MYO3B: variants seen among roughly 807,000 people sequenced by gnomAD.
MYO3B encodes the protein myosin IIIB, also known as myosin-IIIb.
Under a neutral mutation model 174.6 loss-of-function variants are expected in MYO3B, and 156 were observed. The observed-to-expected ratio is 0.89, with a 90% CI of 0.78 to 1.02. The LOEUF (loss-of-function observed/expected upper bound fraction) is 1.02. Ranked by LOEUF, MYO3B falls within the 50% of genes least tolerant of loss-of-function variation. The pLI is 0.00. For synonymous variants in MYO3B, 563 were observed against 569.1 expected (o/e 0.99, Z 0.15); for missense variants, 1,632 against 1,639.4 (o/e 1.00, Z 0.08).
intron 11 of MYO3B, 57 bp downstream of exon 11, chr2:170,383,246 G>T: frequency 9.5e-7 from 1 of 1,050,220 alleles, no homozygotes; most frequent in Admixed American, 2.0e-5. Context: ...ACTCACAAGG[G>T]CAAATGAAGA....
At chr2:170,643,155 G>T (rs945527091) in intron 32 of MYO3B, among the ~76,000 whole-genome samples, 39 of 152,212 alleles carry the variant, frequency 2.6e-4, no homozygotes, top group Middle Eastern at 3.4e-3. Flanking sequence ...TTCTCATTTG[G>T]GCTTTGCCTC....
chr2:170,583,637 A>G (rs993892379), intron 32 of MYO3B, among the ~76,000 whole-genome samples: 3 of 152,206 alleles, frequency 2.0e-5, no homozygotes, highest in African/African-American at 7.2e-5. Context: ...TGAGCACTTT[A>G]TTCTGTGCAT....
At chr2:170,288,121 A>G (rs2093570135) in intron 7 of MYO3B, among the ~76,000 whole-genome samples, 2 of 152,036 alleles carry the variant, frequency 1.3e-5, no homozygotes, top group South Asian at 2.1e-4. Context: ...TTTGGTTGCT[A>G]TAGATTTGTA....
chr2:170,257,479 GAATGACTTTTGGGTA>G (rs1480532534), intron 7 of MYO3B, among the ~76,000 whole-genome samples: 2 of 152,118 alleles, frequency 1.3e-5, no homozygotes, highest in Non-Finnish European at 2.9e-5. Flanking sequence ...ACTTGCTCCT[GAATGACTTTTGGGTA>G]AATAACAAAA....
chr2:170,567,613 G>T lies in MYO3B; in HGVS notation c.3733+23625G>T, dbSNP rs6747470. Among the ~76,000 whole-genome samples the T allele has an allele frequency of 4.6e-5, 7 of 152,172 alleles. No homozygotes were observed. In the South Asian group the frequency reaches 1.4e-3, roughly 32 times the overall value. ...CAGAAAATGCTTTGTTTCAGTCTTT[G>T]GCTGAAGTTGGAAGGGGAATGACCT... On this transcript the variant is annotated intron_variant, in intron 32 of 34. Coordinates refer to ENST00000408978, the MANE Select transcript of MYO3B (RefSeq NM_138995.5).
At chr2:170,490,250 G>C (rs983488504) in intron 25 of MYO3B, among the ~76,000 whole-genome samples, 1 of 151,922 alleles carries the variant, frequency 6.6e-6, no homozygotes, top group African/African-American at 2.4e-5. Context: ...GGATGGTCTC[G>C]ATTTCCTGAC....
chr2:170,625,815 A>C (rs182246817), intron 32 of MYO3B, among the ~76,000 whole-genome samples: 319 of 152,336 alleles, frequency 2.1e-3, no homozygotes, highest in African/African-American at 7.2e-3. Flanking sequence ...TTATGTACCC[A>C]GTAGTCATTC....
intron 30 of MYO3B, among the ~76,000 whole-genome samples, chr2:170,540,145 G>A (rs10187073): frequency 0.011 from 1,610 of 152,132 alleles, 25 homozygotes; most frequent in African/African-American, 0.037. Context: ...AATATAGTGA[G>A]ACTTCATCTC....
chr2:170,520,904 T>A (rs1688633619), intron 30 of MYO3B, among the ~76,000 whole-genome samples: 1 of 152,140 alleles, frequency 6.6e-6, no homozygotes, highest in African/African-American at 2.4e-5. Context: ...AGGACACAGC[T>A]ACAGGAAGGA....
At chr2:170,386,623 C>A (rs796802036) in intron 13 of MYO3B, among the ~76,000 whole-genome samples, 3 of 152,020 alleles carry the variant, frequency 2.0e-5, no homozygotes, top group East Asian at 3.9e-4. Flanking sequence ...AAAATAGAAG[C>A]CTTTGAGCAA....
chr2:170,324,017 C>T (rs2093847506), intron 7 of MYO3B, among the ~76,000 whole-genome samples: 1 of 152,124 alleles, frequency 6.6e-6, no homozygotes, highest in Non-Finnish European at 1.5e-5. Flanking sequence ...CTTTTATGGC[C>T]ATGATCCTGG....
chr2:170,535,700 A>G (rs1181825352), intron 30 of MYO3B, among the ~76,000 whole-genome samples: 2 of 152,180 alleles, frequency 1.3e-5, no homozygotes, highest in Non-Finnish European at 2.9e-5. Context: ...TGCTGCTAGC[A>G]CTGTCATGGG....
chr2:170,234,674 A>G (rs1574628819), intron 6 of MYO3B, among the ~76,000 whole-genome samples: 1 of 151,944 alleles, frequency 6.6e-6, no homozygotes, highest in Non-Finnish European at 1.5e-5. Flanking sequence ...ATGGAGGTCC[A>G]CTCTTCACCC....
At chr2:170,614,325 A>AC (rs1695310865) in intron 32 of MYO3B, among the ~76,000 whole-genome samples, 1 of 152,226 alleles carries the variant, frequency 6.6e-6, no homozygotes, top group Non-Finnish European at 1.5e-5. Flanking sequence ...CACAAAGCAC[A>AC]CTACTCAACA....
At chr2:170,541,305 C>A (rs1166012076) in intron 30 of MYO3B, among the ~76,000 whole-genome samples, 2 of 152,192 alleles carry the variant, frequency 1.3e-5, no homozygotes, top group Non-Finnish European at 2.9e-5. Context: ...GTCACAGCTA[C>A]TGGGACTTGC....
chr2:170,497,672 T>C lies in MYO3B; in HGVS notation c.3015-920T>C, dbSNP rs756915884. 2.6e-5 allele frequency among the ~76,000 whole-genome samples: 4 copies of C among 152,124 alleles called. No homozygotes were observed. The South Asian group carries it at 8.3e-4, about 32-fold the overall frequency. On this transcript the variant is annotated intron_variant, in intron 25 of 34. Transcript: ENST00000408978. The stretch of plus-strand genomic sequence containing the variant: ...GTTTCTTCAGGTTTTCATTTCCTCA[T>C]GAAGGCTCCTGTGTCACTTAAAACT...
chr2:170,439,409 G>A (rs144985253), intron 22 of MYO3B, among the ~76,000 whole-genome samples: 1 of 151,908 alleles, frequency 6.6e-6, no homozygotes, highest in Non-Finnish European at 1.5e-5. Context: ...TTGTTATTTG[G>A]CTTTTTTACT....
chr2:170,430,010 GTTT>G (rs67405522), intron 22 of MYO3B, among the ~76,000 whole-genome samples: 251 of 142,192 alleles, frequency 1.8e-3, no homozygotes, highest in Non-Finnish European at 3.1e-3. Flanking sequence ...TTATACACAG[GTTT>G]TTTTTTTTTT....
intron 25 of MYO3B, among the ~76,000 whole-genome samples, chr2:170,489,198 TCTC>T (rs1451906549): frequency 6.6e-6 from 1 of 152,214 alleles, no homozygotes; most frequent in Non-Finnish European, 1.5e-5. Context: ...TCTCTGGCTT[TCTC>T]CTCTGTACAA....
Sources: allele counts gnomAD v4.1 joint callset (sites outside exome capture counted in the v4.1 genomes callset), GRCh38; gene constraint gnomAD v4.1.1; transcripts MANE v1.5; gene names NCBI Gene and HGNC (gene_info 2026-07-23, HGNC 2026-07-21).